The following PCDHAC1 variants were observed in gnomAD, a reference collection of about 807,000 sequenced individuals.
PCDHAC1 encodes protocadherin alpha-C1.
Under a neutral mutation model 60.0 loss-of-function variants are expected in PCDHAC1, and 42 were observed. The observed-to-expected ratio is 0.70, with a 90% CI of 0.55 to 0.90. The LOEUF (loss-of-function observed/expected upper bound fraction) is 0.90. PCDHAC1 is among the 40% of genes least tolerant of loss of function. The probability of loss-of-function intolerance (pLI) is 0.00; values close to 1 mark genes in which losing one functional copy is unlikely to be tolerated. For synonymous variants in PCDHAC1, 468 were observed against 499.3 expected (o/e 0.94, Z 0.84); for missense variants, 1,160 against 1,222.3 (o/e 0.95, Z 0.76).
Position 140,946,631 on chromosome 5 carries a change from T to TATATATATATATATACAC in PCDHAC1, c.2433+17307_2433+17308insTATATATATATATACACA, listed in dbSNP as rs57893927. 8.0e-4 allele frequency among the ~76,000 whole-genome samples: 106 copies of TATATATATATATATACAC among 131,838 alleles called. 2 individuals carry two copies. The East Asian group carries it at 0.018, about 23-fold the overall frequency. 86.5% of individuals were successfully genotyped at this position (131,838 alleles called of 152,430 possible). A position where few individuals can be genotyped will look rare whatever the true frequency, so the allele number is the denominator to read the frequency against. On this transcript the variant is annotated intron_variant, in intron 1 of 3. Transcript: ENST00000253807. ...TGTGAAATATATATATATATATATA[T>TATATATATATATATACAC]ACAATGGAATACTCATCAGCCATTA...
chr5:141,004,642 C>T (rs1470971220), intron 3 of PCDHAC1, among the ~76,000 whole-genome samples: 1 of 152,120 alleles, frequency 6.6e-6, no homozygotes, highest in African/African-American at 2.4e-5. Context: ...GAAAAATTTC[C>T]ATTTTGGGCT....
chr5:141,008,985 A>C (rs566679512), intron 3 of PCDHAC1, among the ~76,000 whole-genome samples: 1 of 152,240 alleles, frequency 6.6e-6, no homozygotes, highest in Non-Finnish European at 1.5e-5. Context: ...AGTTTAATCT[A>C]GACACTAAAA....
chr5:140,948,889 AT>A (rs1263260325), intron 1 of PCDHAC1, among the ~76,000 whole-genome samples: 2 of 151,468 alleles, frequency 1.3e-5, no homozygotes, highest in Non-Finnish European at 3.0e-5. Flanking sequence ...TCTCTTTTAG[AT>A]TTTAAGTGGA....
chr5:140,984,056 G>T (rs569184437), intron 3 of PCDHAC1, among the ~76,000 whole-genome samples: 1 of 152,200 alleles, frequency 6.6e-6, no homozygotes, highest in Non-Finnish European at 1.5e-5. Context: ...TGACAAATCT[G>T]TACCCTCAGT....
chr5:140,950,820 AG>A (rs1429119954), intron 1 of PCDHAC1, among the ~76,000 whole-genome samples: 2 of 152,088 alleles, frequency 1.3e-5, no homozygotes, highest in Non-Finnish European at 2.9e-5. Context: ...GTAGGGTTAA[AG>A]TTTGGTCCTT....
intron 1 of PCDHAC1, among the ~76,000 whole-genome samples, chr5:140,959,594 A>G (rs1420498368): frequency 6.6e-6 from 1 of 152,220 alleles, no homozygotes; most frequent in African/African-American, 2.4e-5. Flanking sequence ...TCAGCCAAGT[A>G]TAACATGCTT....
chr5:140,927,691 G>C lies in PCDHAC1; in HGVS notation c.799G>C (p.Glu267Gln), dbSNP rs782046420. 6.2e-7 allele frequency: 1 copy of C among 1,614,072 alleles called. No homozygotes were observed. The highest frequency in any genetic ancestry group is 1.3e-5 in the African/African-American group (1 of 74,930). The change falls in exon 1 of 4, where the codon GAA becomes CAA. Residue 267 changes from glutamate to glutamine, a missense_variant. By Grantham distance (29) the Glu-to-Gln change is conservative (BLOSUM62 2). Around this residue, in one of 3 missense-constraint regions of PCDHAC1, gnomAD observed 1,113 missense variants for 1,163.7 expected, o/e 0.96. Coordinates refer to ENST00000253807, the MANE Select transcript of PCDHAC1 (RefSeq NM_018898.5). Reference sequence around the variant, plus strand: ...GGATCCAGATGAAGGGTCCAATGGGGAAGTCCAGTACTCCCTAAGCAACAG... The same window carrying C: ...GGATCCAGATGAAGGGTCCAATGGGCAAGTCCAGTACTCCCTAAGCAACAG... Reference protein sequence around the residue: ...ALDPDEGSNGEVQYSLSNSTQ... With the variant: ...ALDPDEGSNGQVQYSLSNSTQ...
intron 3 of PCDHAC1, among the ~76,000 whole-genome samples, chr5:140,991,118 A>T (rs2153893669): frequency 6.6e-6 from 1 of 152,340 alleles, no homozygotes; most frequent in South Asian, 2.1e-4. Context: ...GCTTTCTTAC[A>T]TTCACACAGC....
At chr5:140,978,903 C>T in intron 1 of PCDHAC1, 46 bp from the exon 2 acceptor site, 4 of 1,613,202 alleles carry the variant, frequency 2.5e-6, no homozygotes, top group Middle Eastern at 1.7e-4. Flanking sequence ...CCTGGGAGAA[C>T]ATTGTCTTGT....
rs1299292999 is a variant in PCDHAC1, at chr5:140,940,635, T to G, written c.2433+11310T>G. Among the ~76,000 whole-genome samples the G allele has an allele frequency of 5.3e-5, 8 of 152,214 alleles. 1 individual carries two copies. The highest frequency in any genetic ancestry group is 5.2e-4 in the Admixed American group (8 of 15,286). On this transcript the variant is annotated intron_variant, in intron 1 of 3. Coordinates refer to ENST00000253807, the MANE Select transcript of PCDHAC1 (RefSeq NM_018898.5). ...GCTCCTGCAAATATTCTTAAGCTTG[T>G]CATTTATTTATTTAAATATATTAAA...
chr5:140,996,701 A>G (rs782320896), intron 3 of PCDHAC1, among the ~76,000 whole-genome samples: 2 of 152,130 alleles, frequency 1.3e-5, no homozygotes, highest in Non-Finnish European at 2.9e-5. Flanking sequence ...CTGAACCTCT[A>G]TCTCTTTGAT....
chr5:140,954,290 G>T (rs2095014659), intron 1 of PCDHAC1, among the ~76,000 whole-genome samples: 1 of 152,126 alleles, frequency 6.6e-6, no homozygotes, highest in Non-Finnish European at 1.5e-5. Flanking sequence ...ATTCCTTTGG[G>T]TACATACCCA....
chr5:140,929,078 G>A lies in PCDHAC1; in HGVS notation c.2186G>A (p.Ser729Asn), dbSNP rs144524128. Residue 729 changes from serine (S) to asparagine (N), a missense_variant, in exon 1 of 4, where the codon AGT (serine) becomes AAT (asparagine). Physicochemically the swap from Ser to Asn is conservative, Grantham distance 46 (BLOSUM62 1). This residue lies in a region of PCDHAC1 where 1,113 missense variants were observed against 1,163.7 expected (regional missense o/e 0.96). Coordinates refer to ENST00000253807, the MANE Select transcript of PCDHAC1 (RefSeq NM_018898.5). ...TCTACAGAGGATCTGAGGTATGGAA[G>A]TAAGATGGTTTCAAATCCTTGCATG... ...CRSTEDLRYG[S>N]KMVSNPCMTS... 20 of 1,614,208 alleles carry A rather than the reference G, an allele frequency of 1.2e-5. No individual in the cohort carries two copies. The African/African-American group carries it at 2.3e-4, about 18-fold the overall frequency.
intron 1 of PCDHAC1, among the ~76,000 whole-genome samples, chr5:140,953,372 A>G (rs1472097697): frequency 6.6e-6 from 1 of 151,982 alleles, no homozygotes; most frequent in Non-Finnish European, 1.5e-5. Flanking sequence ...AGGATTCTCT[A>G]CCCCTCTCAG....
At chr5:140,941,290 T>A (rs1403658442) in intron 1 of PCDHAC1, among the ~76,000 whole-genome samples, 1 of 69,836 alleles carries the variant, frequency 1.4e-5, no homozygotes, top group Non-Finnish European at 3.3e-5. Flanking sequence ...TCCTTTCTCT[T>A]TCTTTCTTTC....
rs200338376 is a variant in PCDHAC1, at chr5:140,927,680, G to C, written c.788G>C (p.Gly263Ala). The change falls in exon 1 of 4, where the codon GGG (glycine) becomes GCG (alanine). Residue 263 changes from glycine to alanine, a missense_variant. By Grantham distance (60) the Gly-to-Ala change is moderately conservative. Around this residue, in one of 3 missense-constraint regions of PCDHAC1, gnomAD observed 1,113 missense variants for 1,163.7 expected, o/e 0.96. Transcript: ENST00000253807. ...GTTCAAGCCTTGGATCCAGATGAAGGGTCCAATGGGGAAGTCCAGTACTCC... is the reference window on the plus strand; with the variant it reads ...GTTCAAGCCTTGGATCCAGATGAAGCGTCCAATGGGGAAGTCCAGTACTCC... ...FRVQALDPDE[G>A]SNGEVQYSLS... The C allele has an allele frequency of 2.2e-5, 36 of 1,614,022 alleles. No individual in the cohort carries two copies. The Admixed American group carries it at 4.5e-4, about 20-fold the overall frequency.
intron 3 of PCDHAC1, among the ~76,000 whole-genome samples, chr5:140,993,043 A>G (rs1402138607): frequency 1.3e-5 from 2 of 152,186 alleles, no homozygotes; most frequent in Non-Finnish European, 2.9e-5. Context: ...TGTGTCATCA[A>G]GATGTCAATC....
intron 1 of PCDHAC1, among the ~76,000 whole-genome samples, chr5:140,954,774 A>G (rs1396315075): frequency 1.3e-5 from 2 of 152,120 alleles, no homozygotes; most frequent in Admixed American, 1.3e-4. Flanking sequence ...TCTTTAATTT[A>G]ATTAGATCTC....
Position 140,926,703 on chromosome 5 carries a change from C to A in PCDHAC1, c.-190C>A. The A allele has an allele frequency of 2.4e-6, 2 of 835,416 alleles. No individual in the cohort carries two copies. Among genetic ancestry groups the A allele is most frequent in the Non-Finnish European group, 3.4e-6 (2 of 591,604 alleles). 51.8% of individuals were successfully genotyped at this position (835,416 alleles called of 1,614,324 possible). A position where few individuals can be genotyped will look rare whatever the true frequency, so the allele number is the denominator to read the frequency against. On this transcript the variant is annotated 5_prime_UTR_variant, in exon 1 of 4. It adds an upstream start codon to the 5' untranslated region. Coordinates refer to ENST00000253807, the MANE Select transcript of PCDHAC1 (RefSeq NM_018898.5). ...CCAGCCTAGCAAGCCCGGCTCCCAG[C>A]TGGCCAGCCCCGGCAATGCCGGCGT...
Sources: allele counts gnomAD v4.1 joint callset (sites outside exome capture counted in the v4.1 genomes callset), GRCh38; gene constraint gnomAD v4.1.1; regional missense constraint gnomAD v4.1.1; transcripts MANE v1.5; gene names NCBI Gene and HGNC (gene_info 2026-07-23, HGNC 2026-07-21).